The following GRID2 variants were observed in gnomAD, a reference collection of about 807,000 sequenced individuals.
GRID2 encodes the protein glutamate receptor ionotropic, delta-2.
A neutral mutation model predicts 114.8 loss-of-function variants in GRID2; 33 were observed. The observed-to-expected ratio is 0.29, with a 90% CI of 0.22 to 0.38. GRID2 has a LOEUF of 0.38. Ranked by LOEUF, GRID2 falls within the 10% of genes least tolerant of loss-of-function variation. GRID2 has a pLI of 1.00. For synonymous variants in GRID2, 505 were observed against 449.9 expected (o/e 1.12, Z -1.55); for missense variants, 1,184 against 1,257.7 (o/e 0.94, Z 0.89).
At chr4:93,562,845 T>A (rs1244427443) in intron 13 of GRID2, among the ~76,000 whole-genome samples, 2 of 152,066 alleles carry the variant, frequency 1.3e-5, no homozygotes, top group African/African-American at 4.8e-5. Context: ...ATTACTATAT[T>A]TATGTGAGTC....
At chr4:93,547,471 T>A (rs964444848) in intron 13 of GRID2, among the ~76,000 whole-genome samples, 1 of 152,242 alleles carries the variant, frequency 6.6e-6, no homozygotes, top group Non-Finnish European at 1.5e-5. Flanking sequence ...ATTGTATAAT[T>A]CACAGAAGGA....
chr4:93,167,659 A>G (rs1233433641), intron 4 of GRID2, among the ~76,000 whole-genome samples: 1 of 152,206 alleles, frequency 6.6e-6, no homozygotes, highest in African/African-American at 2.4e-5. Context: ...ACATAGTAAC[A>G]CATGTACTTT....
intron 2 of GRID2, among the ~76,000 whole-genome samples, chr4:92,752,724 AC>A (rs1013475384): frequency 7.2e-5 from 11 of 152,102 alleles, no homozygotes; most frequent in Non-Finnish European, 1.3e-4. Context: ...GATTTGAAAA[AC>A]TTTTACTGAA....
At chr4:92,819,982 TAACTACCA>T (rs922763976) in intron 2 of GRID2, among the ~76,000 whole-genome samples, 8 of 152,254 alleles carry the variant, frequency 5.3e-5, no homozygotes, top group African/African-American at 1.9e-4. Context: ...TTCGATGAGT[TAACTACCA>T]ATTGCGTAGT....
intron 1 of GRID2, among the ~76,000 whole-genome samples, chr4:92,427,844 T>A (rs1732236462): frequency 6.6e-6 from 1 of 152,168 alleles, no homozygotes; most frequent in Admixed American, 6.5e-5. Context: ...CTACTCTAAT[T>A]GAAAAATAGA....
chr4:93,628,907 A>G lies in GRID2; in HGVS notation c.2360+2472A>G, dbSNP rs113348798. 5.6e-4 allele frequency among the ~76,000 whole-genome samples: 85 copies of G among 151,898 alleles called. 1 individual carries two copies. The highest frequency in any genetic ancestry group is 2.0e-3 in the African/African-American group (84 of 41,394). ...CAGCCTCCCAAGTAGCTGGGATTAC[A>G]CATGCACGCCACCATACCCAGCTAA... On this transcript the variant is annotated intron_variant, in intron 14 of 15. Transcript: ENST00000282020.
At chr4:93,559,442 A>G (rs1213885425) in intron 13 of GRID2, among the ~76,000 whole-genome samples, 1 of 152,212 alleles carries the variant, frequency 6.6e-6, no homozygotes, top group Non-Finnish European at 1.5e-5. Flanking sequence ...ACTTCTCAAA[A>G]GAAGACATTT....
intron 2 of GRID2, among the ~76,000 whole-genome samples, chr4:92,746,887 G>A (rs568142908): frequency 6.6e-6 from 1 of 152,120 alleles, no homozygotes; most frequent in South Asian, 2.1e-4. Flanking sequence ...TCGGGCCTAT[G>A]CACACACTTC....
intron 1 of GRID2, among the ~76,000 whole-genome samples, chr4:92,379,831 A>G (rs1729528343): frequency 6.6e-6 from 1 of 152,026 alleles, no homozygotes; most frequent in Non-Finnish European, 1.5e-5. Context: ...CCTTACAGAT[A>G]GCTAATAAAG....
intron 6 of GRID2, among the ~76,000 whole-genome samples, chr4:93,222,551 G>T (rs1745008510): frequency 1.3e-5 from 2 of 151,518 alleles, no homozygotes; most frequent in African/African-American, 4.9e-5. Context: ...GTGCCATGTT[G>T]GTGTGCTGCA....
intron 2 of GRID2, among the ~76,000 whole-genome samples, chr4:92,900,220 C>T (rs1029023472): frequency 1.3e-5 from 2 of 152,122 alleles, no homozygotes; most frequent in African/African-American, 4.8e-5. Flanking sequence ...CAGTTTACAG[C>T]ACATTGCAGG....
At position 92,586,217 on chromosome 4, in the gene GRID2, G is replaced by A. The variant is rs190320746; in HGVS notation, c.89-3914G>A. The stretch of plus-strand genomic sequence containing the variant: ...AAAACCAAGAAGGAGAAAAATCTTC[G>A]AATGTTTGGAGACTTGTTGAGTTGG... On this transcript the variant is annotated intron_variant, in intron 1 of 15. Transcript: ENST00000282020. 9.5e-4 allele frequency among the ~76,000 whole-genome samples: 145 copies of A among 151,952 alleles called. 1 individual carries two copies. The highest frequency in any genetic ancestry group is 1.4e-3 in the Non-Finnish European group (98 of 67,814).
intron 2 of GRID2, among the ~76,000 whole-genome samples, chr4:92,799,513 T>C (rs1268585532): frequency 1.3e-5 from 2 of 152,028 alleles, no homozygotes; most frequent in Admixed American, 1.3e-4. Context: ...AGGCCTTTCT[T>C]TTTGGCTTGC....
chr4:92,561,293 C>T (rs1727094342), intron 1 of GRID2, among the ~76,000 whole-genome samples: 1 of 152,078 alleles, frequency 6.6e-6, no homozygotes, highest in African/African-American at 2.4e-5. Context: ...ATGTAATAAC[C>T]TTCTTGCAAA....
chr4:93,001,472 C>G (rs1277099377), intron 2 of GRID2, among the ~76,000 whole-genome samples: 3 of 151,640 alleles, frequency 2.0e-5, no homozygotes, highest in Admixed American at 1.3e-4. Context: ...ATTGTACTAT[C>G]TGCTAGAACT....
At chr4:93,545,344 T>C (rs1733105376) in intron 13 of GRID2, among the ~76,000 whole-genome samples, 1 of 152,060 alleles carries the variant, frequency 6.6e-6, no homozygotes, top group Admixed American at 6.6e-5. Flanking sequence ...TACTGCTGAA[T>C]TGGGGAGGAT....
Position 92,982,846 on chromosome 4 carries a change from A to C in GRID2, c.245-102149A>C, listed in dbSNP as rs190716183. Among the ~76,000 whole-genome samples, 3 of 152,244 alleles carry C rather than the reference A, an allele frequency of 2.0e-5. No individual in the cohort carries two copies. The East Asian group carries it at 5.8e-4, about 29-fold the overall frequency. The stretch of plus-strand genomic sequence containing the variant: ...TTTAAGAAATAATTTCTACTTTTTT[A>C]ATTTAACAAACACTCATTAAGACTC... On this transcript the variant is annotated intron_variant, in intron 2 of 15. Transcript: ENST00000282020.
At chr4:92,486,547 T>TCA (rs72216440) in intron 1 of GRID2, among the ~76,000 whole-genome samples, 45,916 of 136,746 alleles carry the variant, frequency 0.34, 7,088 homozygotes, top group Admixed American at 0.37. Context: ...TCTCTCTCTT[T>TCA]CACACACACA....
chr4:92,759,573 T>A (rs1020588893), intron 2 of GRID2, among the ~76,000 whole-genome samples: 1 of 152,080 alleles, frequency 6.6e-6, no homozygotes, highest in African/African-American at 2.4e-5. Context: ...ATATATGTTA[T>A]GTGTGTATAT....
Sources: gnomAD v4.1 joint callset for allele counts (sites outside exome capture counted in the v4.1 genomes callset) on GRCh38, gnomAD v4.1.1 for gene constraint, MANE v1.5 for transcripts, NCBI Gene and HGNC (gene_info 2026-07-23, HGNC 2026-07-21) for gene names.